PPM1L: variants seen among roughly 807,000 people sequenced by gnomAD.
The protein encoded by PPM1L is protein phosphatase, Mg2+/Mn2+ dependent 1L.
PPM1L carries 13 observed loss-of-function variants against 31.4 expected under a neutral mutation model. The observed-to-expected ratio is 0.41, with a 90% confidence interval of 0.27 to 0.66. The LOEUF (loss-of-function observed/expected upper bound fraction) is 0.66, where lower values mean the gene tolerates loss of function less well. Ranked by LOEUF, PPM1L falls within the 30% of genes least tolerant of loss-of-function variation. PPM1L has a pLI of 0.29. For missense variants in PPM1L, 326 were observed against 453.7 expected (o/e 0.72, Z 2.56); for synonymous variants, 184 against 175.4 (o/e 1.05, Z -0.39).
intron 1 of PPM1L, among the ~76,000 whole-genome samples, chr3:160,781,081 G>A (rs181990755): frequency 6.6e-6 from 1 of 152,106 alleles, no homozygotes; most frequent in East Asian, 1.9e-4. Flanking sequence ...CATATTAACA[G>A]GTATACGTTG....
intron 2 of PPM1L, among the ~76,000 whole-genome samples, chr3:161,018,242 T>C (rs1315167472): frequency 6.6e-6 from 1 of 152,206 alleles, no homozygotes; most frequent in Non-Finnish European, 1.5e-5. Flanking sequence ...AAGAGAGGAT[T>C]TGCATTTACA....
intron 1 of PPM1L, among the ~76,000 whole-genome samples, chr3:160,828,911 A>T (rs1032010312): frequency 6.6e-6 from 1 of 152,114 alleles, no homozygotes; most frequent in African/African-American, 2.4e-5. Flanking sequence ...AAAATGCATA[A>T]TTTTTAAAAT....
At chr3:160,945,986 G>T (rs780082013) in intron 1 of PPM1L, among the ~76,000 whole-genome samples, 1 of 152,282 alleles carries the variant, frequency 6.6e-6, no homozygotes, top group African/African-American at 2.4e-5. Context: ...TGGTAAGGCT[G>T]TCATTCAACA....
intron 1 of PPM1L, among the ~76,000 whole-genome samples, chr3:160,799,819 A>G (rs1025585274): frequency 9.2e-5 from 14 of 152,022 alleles, no homozygotes; most frequent in African/African-American, 3.1e-4. Context: ...CTTGCCCTCT[A>G]TTTTCTGATA....
At chr3:160,984,728 G>A (rs1716908389) in intron 2 of PPM1L, among the ~76,000 whole-genome samples, 1 of 152,108 alleles carries the variant, frequency 6.6e-6, no homozygotes, top group Non-Finnish European at 1.5e-5. Flanking sequence ...GTCCTGTTTT[G>A]CACTGCTTTT....
intron 1 of PPM1L, among the ~76,000 whole-genome samples, chr3:160,799,532 A>G (rs79584762): frequency 2.0e-5 from 3 of 152,366 alleles, no homozygotes; most frequent in South Asian, 4.1e-4. Context: ...AGACTACAAT[A>G]TAGTGTAAAC....
chr3:160,995,718 G>T (rs1717298140), intron 2 of PPM1L, among the ~76,000 whole-genome samples: 1 of 152,162 alleles, frequency 6.6e-6, no homozygotes, highest in East Asian at 1.9e-4. Flanking sequence ...GCAGGGGAGA[G>T]AAATATAATT....
At chr3:160,951,879 A>G (rs554707324) in intron 1 of PPM1L, among the ~76,000 whole-genome samples, 1 of 152,308 alleles carries the variant, frequency 6.6e-6, no homozygotes, top group Admixed American at 6.5e-5. Context: ...CCACATGACT[A>G]GCATTTGCAC....
intron 2 of PPM1L, among the ~76,000 whole-genome samples, chr3:160,963,727 A>G (rs1051788396): frequency 4.6e-5 from 7 of 151,952 alleles, no homozygotes; most frequent in African/African-American, 9.7e-5. Flanking sequence ...ATTAGCTGCA[A>G]TCACCCACCA....
intron 1 of PPM1L, among the ~76,000 whole-genome samples, chr3:160,772,014 C>T (rs1715270463): frequency 6.6e-6 from 1 of 152,038 alleles, no homozygotes; most frequent in Non-Finnish European, 1.5e-5. Flanking sequence ...CAGGCCTGAC[C>T]TGTTTTTATA....
chr3:160,910,602 C>T lies in PPM1L; in HGVS notation c.400-51134C>T, dbSNP rs1410344054. Reference sequence around the variant, plus strand: ...TTGGGATTACAGGCGTGAGCTATCGCGCCTGGCCGGAGCCTGAAACTTTCA... The same window carrying T: ...TTGGGATTACAGGCGTGAGCTATCGTGCCTGGCCGGAGCCTGAAACTTTCA... On this transcript the variant is annotated intron_variant, in intron 1 of 3. Coordinates refer to ENST00000498165, the MANE Select transcript of PPM1L (RefSeq NM_139245.4). Among the ~76,000 whole-genome samples the T allele has an allele frequency of 5.3e-5, 8 of 152,128 alleles. No homozygotes were observed. The South Asian group carries it at 8.3e-4, about 16-fold the overall frequency.
At chr3:160,795,489 T>C (rs920130897) in intron 1 of PPM1L, among the ~76,000 whole-genome samples, 2 of 152,164 alleles carry the variant, frequency 1.3e-5, no homozygotes, top group Admixed American at 1.3e-4. Context: ...TGAGAACCGC[T>C]GCCCTAGGGT....
Position 161,075,695 on chromosome 3 carries a change from T to C in PPM1L, c.*6538T>C, listed in dbSNP as rs1720075099. The stretch of plus-strand genomic sequence containing the variant: ...AGGGAGAGTAATATAAAAGGAAATA[T>C]TTTAAATTAAGAAAAGGAGGTGTTA... On this transcript the variant is annotated 3_prime_UTR_variant, in exon 4 of 4. Coordinates refer to ENST00000498165, the MANE Select transcript of PPM1L (RefSeq NM_139245.4). 1 of 152,160 alleles carries C rather than the reference T, an allele frequency of 6.6e-6. No homozygotes were observed. Among genetic ancestry groups the C allele is most frequent in the Non-Finnish European group, 1.5e-5 (1 of 68,028 alleles). The allele number at this position is 152,160 out of a possible 1,614,324, so 9.4% of individuals were successfully genotyped here. A position where few individuals can be genotyped will look rare whatever the true frequency, so the allele number is the denominator to read the frequency against.
intron 2 of PPM1L, among the ~76,000 whole-genome samples, chr3:161,018,736 T>TTGAGAAAGTAAGA (rs1467549736): frequency 6.6e-6 from 1 of 152,158 alleles, no homozygotes; most frequent in Non-Finnish European, 1.5e-5. Context: ...AGAAAAAATT[T>TTGAGAAAGTAAGA]TGAGAAAACA....
chr3:160,865,895 TG>T (rs1712069885), intron 1 of PPM1L, among the ~76,000 whole-genome samples: 1 of 152,218 alleles, frequency 6.6e-6, no homozygotes, highest in African/African-American at 2.4e-5. Context: ...CATTAAGTAG[TG>T]GGGGTAGATT....
chr3:160,997,202 T>C (rs1457212220), intron 2 of PPM1L, among the ~76,000 whole-genome samples: 1 of 152,028 alleles, frequency 6.6e-6, no homozygotes, highest in Non-Finnish European at 1.5e-5. Flanking sequence ...GTCAGTGGTA[T>C]AGAAGGTGAC....
At chr3:160,773,035 A>G (rs1711500082) in intron 1 of PPM1L, among the ~76,000 whole-genome samples, 1 of 152,182 alleles carries the variant, frequency 6.6e-6, no homozygotes, top group Non-Finnish European at 1.5e-5. Flanking sequence ...TTGTATGGAC[A>G]TATGCTTTCA....
intron 2 of PPM1L, among the ~76,000 whole-genome samples, chr3:160,971,376 A>G (rs17826464): frequency 0.14 from 21,225 of 152,208 alleles, 2,096 homozygotes; most frequent in Non-Finnish European, 0.2. Context: ...CAGACACAGT[A>G]CCCACCACTA....
At chr3:160,911,392 C>A (rs1169354656) in intron 1 of PPM1L, among the ~76,000 whole-genome samples, 4 of 152,310 alleles carry the variant, frequency 2.6e-5, no homozygotes, top group Non-Finnish European at 5.9e-5. Flanking sequence ...ATAGGTTCTG[C>A]AGAGAGTTCT....
Sources: gnomAD v4.1 joint callset for allele counts (sites outside exome capture counted in the v4.1 genomes callset) on GRCh38, gnomAD v4.1.1 for gene constraint, MANE v1.5 for transcripts, NCBI Gene and HGNC (gene_info 2026-07-23, HGNC 2026-07-21) for gene names.